The following CHEK2 variants were observed in gnomAD, a reference collection of about 807,000 sequenced individuals.
CHEK2 encodes the protein checkpoint kinase 2.
A neutral mutation model predicts 69.1 loss-of-function variants in CHEK2; 71 were observed. That is an observed-to-expected ratio of 1.03 (90% CI 0.85 to 1.25). The LOEUF (loss-of-function observed/expected upper bound fraction) is 1.25, where lower values mean the gene tolerates loss of function less well. Ranked by LOEUF, CHEK2 falls within the 50% of genes most tolerant of loss-of-function variation. The pLI is 0.00. For synonymous variants in CHEK2, 189 were observed against 226.9 expected (o/e 0.83, Z 1.50); for missense variants, 664 against 649.6 (o/e 1.02, Z -0.24).
At chr22:28,690,628 C>CAA (rs35236854) in intron 13 of CHEK2, among the ~76,000 whole-genome samples, 11 of 88,064 alleles carry the variant, frequency 1.2e-4, no homozygotes, top group Non-Finnish European at 1.7e-4. Context: ...ACACTGTCTC[C>CAA]AAAAAAAAAA....
At chr22:28,708,229 A>G (rs2053230698) in intron 7 of CHEK2, among the ~76,000 whole-genome samples, 1 of 152,050 alleles carries the variant, frequency 6.6e-6, no homozygotes, top group Non-Finnish European at 1.5e-5. Context: ...GGTGTGGCAC[A>G]TGCCTATAGT....
chr22:28,739,515 C>G (rs1446918127), intron 1 of CHEK2, among the ~76,000 whole-genome samples: 1 of 151,546 alleles, frequency 6.6e-6, no homozygotes, highest in Non-Finnish European at 1.5e-5. Context: ...CATGGTGAAA[C>G]CTGTCTCCAC....
Position 28,725,071 on chromosome 22 carries a change from A to G in CHEK2, c.498T>C (p.Asn166=), listed in dbSNP as rs759868962. ...CAAGCTCTGTATTTACAAAGGTTCC[A>G]TTGCCACTGTGATCTTCTATGTATG... ...YIAYIEDHSG[N]GTFVNTELVG... is the part of the protein sequence containing the mutation. Residue 166 remains asparagine, a synonymous_variant, in exon 4 of 15, where the codon AAT becomes AAC. Transcript: ENST00000404276. 2 of 1,614,146 alleles carry G rather than the reference A, an allele frequency of 1.2e-6. No individual in the cohort carries two copies. The highest frequency in any genetic ancestry group is 1.7e-6 in the Non-Finnish European group (2 of 1,180,000).
intron 2 of CHEK2, among the ~76,000 whole-genome samples, chr22:28,727,118 T>C (rs930320431): frequency 6.6e-6 from 1 of 152,130 alleles, no homozygotes; most frequent in Non-Finnish European, 1.5e-5. Context: ...CTCGGCTCAC[T>C]GCAACCTCCA....
At chr22:28,741,040 C>T (rs1460742934) in intron 1 of CHEK2, among the ~76,000 whole-genome samples, 1 of 149,584 alleles carries the variant, frequency 6.7e-6, no homozygotes, top group East Asian at 2.0e-4. Flanking sequence ...ATCCCAGATA[C>T]TTAGGAGGCT....
rs151240496 is a variant in CHEK2, at chr22:28,728,570, C to A, written c.320-3203G>T. 6.4e-3 allele frequency among the ~76,000 whole-genome samples: 975 copies of A among 152,136 alleles called. 7 individuals are homozygous for A. Among genetic ancestry groups the A allele is most frequent in the Non-Finnish European group, 0.011 (753 of 67,988 alleles). ...AAAAAAATTTAGCCAGGTGTGGTGG[C>A]GCGCCCCTGTAGTCCCAGCTACTCT... On this transcript the variant is annotated intron_variant, in intron 2 of 14. Transcript: ENST00000404276.
intron 8 of CHEK2, among the ~76,000 whole-genome samples, chr22:28,702,697 C>T (rs1036503738): frequency 6.6e-6 from 1 of 151,884 alleles, no homozygotes; most frequent in Non-Finnish European, 1.5e-5. Flanking sequence ...CAGGTGTGCG[C>T]CACCACACTC....
intron 9 of CHEK2, among the ~76,000 whole-genome samples, chr22:28,697,232 A>G (rs1470271132): frequency 6.6e-6 from 1 of 152,220 alleles, no homozygotes; most frequent in Non-Finnish European, 1.5e-5. Context: ...ACTTTAAGAT[A>G]ATAAACAACT....
chr22:28,724,900 G>T, intron 4 of CHEK2, 77 bp downstream of exon 4: 1 of 1,471,052 alleles, frequency 6.8e-7, no homozygotes, highest in African/African-American at 1.4e-5. Context: ...ACCATATTCT[G>T]TAAGGACAGG....
intron 5 of CHEK2, chr22:28,712,321 C>T (rs574258950): frequency 2.1e-4 from 82 of 386,940 alleles, no homozygotes; most frequent in Non-Finnish European, 3.4e-4. Context: ...AGAGAAACTA[C>T]GTATCCGAGA....
chr22:28,724,832 C>G (rs1424775658), intron 4 of CHEK2, 145 bp downstream of exon 4: 1 of 849,926 alleles, frequency 1.2e-6, no homozygotes, highest in East Asian at 2.6e-5. Context: ...TCCCAAAGTG[C>G]TGGGATTACA....
At chr22:28,715,564 C>T (rs2053560839) in intron 5 of CHEK2, among the ~76,000 whole-genome samples, 1 of 151,840 alleles carries the variant, frequency 6.6e-6, no homozygotes. Flanking sequence ...GGACTACAGA[C>T]ATATGCCACC....
At chr22:28,712,261 T>C (rs1436478270) in intron 5 of CHEK2, 35 of 540,366 alleles carry the variant, frequency 6.5e-5, no homozygotes, top group Middle Eastern at 5.0e-4. Context: ...TGGGTCTTAC[T>C]GTAGCCCTGG....
chr22:28,700,211 CTT>C (rs1188199517), intron 8 of CHEK2, among the ~76,000 whole-genome samples: 6 of 127,990 alleles, frequency 4.7e-5, no homozygotes, highest in Non-Finnish European at 3.4e-5. Context: ...CCAGGAGTTG[CTT>C]TTTTTTTTTT....
At chr22:28,705,078 CT>C (rs71866422) in intron 7 of CHEK2, among the ~76,000 whole-genome samples, 24,400 of 134,862 alleles carry the variant, frequency 0.18, 1,866 homozygotes, top group East Asian at 0.36. Flanking sequence ...AAATCCAAAT[CT>C]TTTTTTTTTT....
rs1431137888 is a variant in CHEK2, at chr22:28,733,957, A to T, written c.319+446T>A. Among the ~76,000 whole-genome samples the T allele has an allele frequency of 2.0e-5, 3 of 151,984 alleles. No homozygotes were observed. In the East Asian group the frequency reaches 5.8e-4, roughly 29 times the overall value. On this transcript the variant is annotated intron_variant, in intron 2 of 14. Coordinates refer to ENST00000404276, the MANE Select transcript of CHEK2 (RefSeq NM_007194.4). ...AAAAAAAAAATTCCTGAAACTAAAC[A>T]AAAAAGGAAGAATTTGCACTCTGGC... is the stretch of plus-strand genomic sequence containing the variant.
intron 6 of CHEK2, 94 bp from the exon 7 acceptor site, chr22:28,710,153 C>A: frequency 1.2e-6 from 1 of 835,270 alleles, no homozygotes; most frequent in Non-Finnish European, 2.0e-6. Flanking sequence ...TCAAGGCTGC[C>A]TGAGTTCCAA....
intron 4 of CHEK2, among the ~76,000 whole-genome samples, chr22:28,723,325 G>A (rs1030390176): frequency 5.3e-5 from 8 of 152,174 alleles, no homozygotes; most frequent in African/African-American, 1.9e-4. Context: ...TAGGCCGGGC[G>A]CGGTGGCTCA....
chr22:28,722,001 G>C (rs1445761497), intron 4 of CHEK2, among the ~76,000 whole-genome samples: 1 of 152,044 alleles, frequency 6.6e-6, no homozygotes, highest in South Asian at 2.1e-4. Context: ...AAAGTGCTGA[G>C]ATTACAGGCA....
Sources: gnomAD v4.1 joint callset for allele counts (sites outside exome capture counted in the v4.1 genomes callset) on GRCh38, gnomAD v4.1.1 for gene constraint, MANE v1.5 for transcripts, NCBI Gene and HGNC (gene_info 2026-07-23, HGNC 2026-07-21) for gene names.